PDE7B: variants seen among roughly 807,000 people sequenced by gnomAD.
The protein encoded by PDE7B is 3',5'-cyclic-AMP phosphodiesterase 7B.
A neutral mutation model predicts 56.2 loss-of-function variants in PDE7B; 29 were observed. The ratio of observed to expected loss-of-function variants is 0.52; its 90% CI spans 0.38 to 0.70. PDE7B has a LOEUF of 0.70. Among genes scored for constraint, PDE7B ranks in the 30% least tolerant of loss-of-function variants. The pLI, the probability that PDE7B is intolerant of heterozygous loss-of-function variation, is 0.00. For missense variants in PDE7B, 490 were observed against 565.0 expected, an observed-to-expected ratio of 0.87 and a Z score of 1.35; for synonymous variants, 197 against 196.9, an observed-to-expected ratio of 1.00 and a Z score of 0.00.
chr6:136,126,163 A>C (rs1778020142), intron 3 of PDE7B, among the ~76,000 whole-genome samples: 1 of 152,186 alleles, frequency 6.6e-6, no homozygotes, highest in Non-Finnish European at 1.5e-5. Context: ...AGATCGATAC[A>C]GGTGTATTAT....
rs965758466 is a variant in PDE7B, at chr6:136,017,449, G to A, written c.82+69925G>A. Among the ~76,000 whole-genome samples, 11 of 151,646 alleles carry A rather than the reference G, an allele frequency of 7.3e-5. 1 individual carries two copies. The highest frequency in any genetic ancestry group is 2.2e-4 in the African/African-American group (9 of 41,228). ...GTTGCTGTGTTGCATCCATTAACTC[G>A]TCATTTACATTAGGTATATCTCCTA... On this transcript the variant is annotated intron_variant, in intron 2 of 12. Coordinates refer to ENST00000308191, the MANE Select transcript of PDE7B (RefSeq NM_018945.4).
intron 9 of PDE7B, among the ~76,000 whole-genome samples, chr6:136,177,260 C>T (rs998459823): frequency 5.9e-5 from 9 of 151,902 alleles, no homozygotes; most frequent in African/African-American, 2.2e-4. Flanking sequence ...GCCAGGAGTT[C>T]GAGACCAGCC....
rs1003920873 is a variant in PDE7B at position 136,168,358 on chromosome 6, GT to G, written c.712-5436del. On this transcript the variant is annotated intron_variant, in intron 8 of 12. Transcript: ENST00000308191. The stretch of plus-strand genomic sequence containing the variant: ...TTGTCTTACAGGGATCCGTTGTGGG[GT>G]TTGGAACAGGGAACTGGGGCAGGTG... Among the ~76,000 whole-genome samples the G allele has an allele frequency of 1.2e-4, 19 of 152,112 alleles. 1 individual carries two copies. Among genetic ancestry groups the G allele is most frequent in the African/African-American group, 4.6e-4 (19 of 41,418 alleles).
intron 2 of PDE7B, among the ~76,000 whole-genome samples, chr6:136,041,448 A>C (rs1776411239): frequency 1.3e-5 from 2 of 152,250 alleles, no homozygotes; most frequent in Non-Finnish European, 2.9e-5. Flanking sequence ...GGAGTGCCAG[A>C]GAGAAGGTGA....
chr6:135,928,483 T>TTATATATATA (rs1187835633), intron 1 of PDE7B, among the ~76,000 whole-genome samples: 1,102 of 96,394 alleles, frequency 0.011, 18 homozygotes, highest in African/African-American at 0.027. Flanking sequence ...ATATATATAT[T>TTATATATATA]TATTTATATA....
chr6:136,035,818 T>G (rs917307183), intron 2 of PDE7B, among the ~76,000 whole-genome samples: 2 of 152,238 alleles, frequency 1.3e-5, no homozygotes, highest in African/African-American at 4.8e-5. Flanking sequence ...TTGGATTTTT[T>G]TTAAAAAGTC....
At chr6:136,191,013 C>CTTTTTT (rs752187218) in intron 12 of PDE7B, among the ~76,000 whole-genome samples, 2,228 of 98,762 alleles carry the variant, frequency 0.023, 219 homozygotes, top group African/African-American at 0.14. Flanking sequence ...CCAGCATACA[C>CTTTTTT]TTTTTTTTTT....
intron 2 of PDE7B, chr6:136,037,697 GC>G: frequency 5.1e-6 from 5 of 985,470 alleles, no homozygotes; most frequent in Non-Finnish European, 6.0e-6. Flanking sequence ...CAGATAACTG[GC>G]CTCCAGCAAG....
At chr6:135,870,434 ATGTG>A (rs142590011) in intron 1 of PDE7B, among the ~76,000 whole-genome samples, 2 of 149,886 alleles carry the variant, frequency 1.3e-5, no homozygotes. Flanking sequence ...TAAGGATTAA[ATGTG>A]TGTGTGTGTG....
intron 2 of PDE7B, among the ~76,000 whole-genome samples, chr6:136,090,302 T>C (rs1210731999): frequency 6.6e-6 from 1 of 152,150 alleles, no homozygotes; most frequent in Non-Finnish European, 1.5e-5. Flanking sequence ...TTCCATAAAG[T>C]TGGTGATCAG....
intron 3 of PDE7B, among the ~76,000 whole-genome samples, chr6:136,140,796 G>A (rs919460003): frequency 2.1e-4 from 32 of 152,318 alleles, no homozygotes; most frequent in African/African-American, 6.7e-4. Context: ...GAATGCTTGT[G>A]ATTTTTGCTC....
chr6:136,003,764 A>C (rs1016915235), intron 2 of PDE7B, among the ~76,000 whole-genome samples: 1 of 152,230 alleles, frequency 6.6e-6, no homozygotes. Context: ...GCCGAATTCT[A>C]CCAGAGGTAC....
chr6:136,022,885 T>G (rs981887338), intron 2 of PDE7B, among the ~76,000 whole-genome samples: 15 of 152,062 alleles, frequency 9.9e-5, no homozygotes, highest in African/African-American at 1.5e-4. Flanking sequence ...CAGGAAGCAC[T>G]GGCTGAGAGG....
chr6:135,864,579 A>C (rs1479223607), intron 1 of PDE7B, among the ~76,000 whole-genome samples: 7 of 152,052 alleles, frequency 4.6e-5, no homozygotes, highest in Admixed American at 3.3e-4. Flanking sequence ...TTTAAAAGCA[A>C]TCTGTCCATT....
intron 2 of PDE7B, among the ~76,000 whole-genome samples, chr6:135,979,660 A>G (rs1244386661): frequency 6.6e-6 from 1 of 152,184 alleles, no homozygotes; most frequent in East Asian, 1.9e-4. Flanking sequence ...ACAGACAAAC[A>G]GAGAGCCAAA....
At chr6:136,140,635 T>G (rs568286718) in intron 3 of PDE7B, among the ~76,000 whole-genome samples, 1 of 152,316 alleles carries the variant, frequency 6.6e-6, no homozygotes, top group East Asian at 1.9e-4. Flanking sequence ...TGTATCCTCT[T>G]TTATTTCATT....
intron 3 of PDE7B, among the ~76,000 whole-genome samples, chr6:136,127,375 T>C (rs943245338): frequency 1.3e-5 from 2 of 152,224 alleles, no homozygotes; most frequent in Admixed American, 1.3e-4. Context: ...TTTATTTTTA[T>C]TTTAAGCTAT....
At chr6:136,010,013 T>G (rs1775861029) in intron 2 of PDE7B, among the ~76,000 whole-genome samples, 1 of 152,216 alleles carries the variant, frequency 6.6e-6, no homozygotes, top group Non-Finnish European at 1.5e-5. Context: ...TTCTTGCTTC[T>G]CTAATTCTTT....
At chr6:135,933,159 A>G (rs1185250682) in intron 1 of PDE7B, among the ~76,000 whole-genome samples, 1 of 152,234 alleles carries the variant, frequency 6.6e-6, no homozygotes, top group African/African-American at 2.4e-5. Flanking sequence ...GACTCCACAC[A>G]AGAACCTGGG....
Sources: gnomAD v4.1 joint callset for allele counts (sites outside exome capture counted in the v4.1 genomes callset) on GRCh38, gnomAD v4.1.1 for gene constraint, MANE v1.5 for transcripts, NCBI Gene and HGNC (gene_info 2026-07-23, HGNC 2026-07-21) for gene names.